The following PDLIM5 variants were observed in gnomAD, a reference collection of about 807,000 sequenced individuals.
PDLIM5 encodes PDZ and LIM domain 5, also known as PDZ and LIM domain protein 5.
PDLIM5 carries 34 observed loss-of-function variants against 64.2 expected under a neutral mutation model. The ratio of observed to expected loss-of-function variants is 0.53; its 90% CI spans 0.40 to 0.71. The LOEUF is 0.71. Among genes scored for constraint, PDLIM5 ranks in the 30% least tolerant of loss-of-function variants. The pLI, the probability that PDLIM5 is intolerant of heterozygous loss-of-function variation, is 0.00. For missense variants in PDLIM5, 683 were observed against 733.6 expected (o/e 0.93, Z 0.80); for synonymous variants, 253 against 269.1 (o/e 0.94, Z 0.59).
intron 3 of PDLIM5, among the ~76,000 whole-genome samples, chr4:94,548,281 A>T (rs1483902875): frequency 6.6e-6 from 1 of 152,180 alleles, no homozygotes; most frequent in Non-Finnish European, 1.5e-5. Flanking sequence ...CTACCACTCA[A>T]ATGGATTGCC....
At chr4:94,535,746 G>T (rs1465408298) in intron 3 of PDLIM5, among the ~76,000 whole-genome samples, 1 of 151,888 alleles carries the variant, frequency 6.6e-6, no homozygotes, top group Non-Finnish European at 1.5e-5. Flanking sequence ...CACTTGCTGT[G>T]TGGATAGCTG....
chr4:94,531,347 T>A (rs1195661509), intron 3 of PDLIM5, among the ~76,000 whole-genome samples: 1 of 152,134 alleles, frequency 6.6e-6, no homozygotes, highest in Admixed American at 6.5e-5. Context: ...TTTTTTTTCT[T>A]ACATATATCA....
rs2452600 is a variant in PDLIM5 at position 94,575,731 on chromosome 4, C to T, written c.407C>T (p.Ser136Phe). The change falls in exon 5 of 13, where the codon TCT (serine) becomes TTT (phenylalanine). Residue 136 changes from serine (S) to phenylalanine (F), a missense_variant. Coordinates refer to ENST00000317968, the MANE Select transcript of PDLIM5 (RefSeq NM_006457.5). ...NKAPRPFGSVSSPKVTSIPSP... is the reference protein window; with the variant it reads ...NKAPRPFGSVFSPKVTSIPSP... ...GCACCACGGCCTTTTGGTTCTGTGT[C>T]TTCACCAAAAGTCACATCCATCCCA... 472,112 of 1,613,468 alleles carry T rather than the reference C, an allele frequency of 0.29. 72,280 individuals are homozygous for T. The highest frequency in any genetic ancestry group is 0.42 in the East Asian group (18,745 of 44,852).
At chr4:94,620,706 G>A (rs1021940943) in intron 8 of PDLIM5, among the ~76,000 whole-genome samples, 4 of 151,836 alleles carry the variant, frequency 2.6e-5, no homozygotes, top group South Asian at 4.2e-4. Flanking sequence ...TTTAGAAAAC[G>A]TTATTTATAC....
At chr4:94,586,957 CTTTTTTTT>C in intron 7 of PDLIM5, 3 of 1,195,062 alleles carry the variant, frequency 2.5e-6, no homozygotes, top group Non-Finnish European at 2.3e-6. Context: ...TTCTATCACT[CTTTTTTTT>C]TTTTTTTTTT....
intron 9 of PDLIM5, among the ~76,000 whole-genome samples, chr4:94,650,593 T>C (rs1251873759): frequency 2.0e-5 from 3 of 152,028 alleles, no homozygotes; most frequent in Non-Finnish European, 4.4e-5. Flanking sequence ...TCTGACGTTT[T>C]CTTCATCTAC....
At chr4:94,601,714 G>A (rs957811684) in intron 7 of PDLIM5, among the ~76,000 whole-genome samples, 2 of 152,110 alleles carry the variant, frequency 1.3e-5, no homozygotes, top group African/African-American at 4.8e-5. Context: ...TTCTCAAGAT[G>A]CCATCTATGT....
rs536793877 is a variant in PDLIM5 at position 94,542,052 on chromosome 4, G to A, written c.248+18177G>A. 2.4e-4 allele frequency among the ~76,000 whole-genome samples: 37 copies of A among 152,204 alleles called. No individual in the cohort carries two copies. In the East Asian group the frequency reaches 6.0e-3, roughly 25 times the overall value. Reference sequence around the variant, plus strand: ...CCCGGCTGGGCATGGTGGCTCATGCGTGTAATCCCAGCACTTTGGAAGGCT... The same window carrying A: ...CCCGGCTGGGCATGGTGGCTCATGCATGTAATCCCAGCACTTTGGAAGGCT... On this transcript the variant is annotated intron_variant, in intron 3 of 12. Coordinates refer to ENST00000317968, the MANE Select transcript of PDLIM5 (RefSeq NM_006457.5).
At position 94,661,357 on chromosome 4, in the gene PDLIM5, C is replaced by T. The variant is rs1742698847; in HGVS notation, c.1586-1065C>T. Among the ~76,000 whole-genome samples, 7 of 152,170 alleles carry T rather than the reference C, an allele frequency of 4.6e-5. No homozygotes were observed. In the South Asian group the frequency reaches 1.4e-3, roughly 32 times the overall value. On this transcript the variant is annotated intron_variant, in intron 11 of 12. Transcript: ENST00000317968. ...GCGGTGAACTATGATCACACCACTA[C>T]ACTCAAGCCTGGGTGACAGAGCAAG...
Position 94,576,998 on chromosome 4 carries a change from C to A in PDLIM5, c.710+964C>A, listed in dbSNP as rs367680382. Among the ~76,000 whole-genome samples, 5 of 151,876 alleles carry A rather than the reference C, an allele frequency of 3.3e-5. No homozygotes were observed. The East Asian group carries it at 7.7e-4, about 23-fold the overall frequency. On this transcript the variant is annotated intron_variant, in intron 5 of 12. Coordinates refer to ENST00000317968, the MANE Select transcript of PDLIM5 (RefSeq NM_006457.5). ...TACAGTATCTTTTTTAAAAATAATT[C>A]TTTTCTATAATGTAATCCTACTTGC...
At chr4:94,504,046 T>C (rs1208580881) in intron 2 of PDLIM5, among the ~76,000 whole-genome samples, 1 of 152,180 alleles carries the variant, frequency 6.6e-6, no homozygotes, top group Non-Finnish European at 1.5e-5. Flanking sequence ...CTAGGAGACC[T>C]CCTACTCCCT....
At position 94,618,066 on chromosome 4, in the gene PDLIM5, A is replaced by G; in HGVS notation, c.983A>G (p.Glu328Gly). Residue 328 changes from glutamate (E) to glycine (G), a missense_variant, in exon 8 of 13, where the codon GAG (glutamate) becomes GGG (glycine). Coordinates refer to ENST00000317968, the MANE Select transcript of PDLIM5 (RefSeq NM_006457.5). ...GTAGCTTCCACACGGAGCATGCCCGAGAGCCTGGACAGCCCAACCTCTGGC... is the reference window on the plus strand; with the variant it reads ...GTAGCTTCCACACGGAGCATGCCCGGGAGCCTGGACAGCCCAACCTCTGGC... ...SSVASTRSMPESLDSPTSGRP... is the reference protein window; with the variant it reads ...SSVASTRSMPGSLDSPTSGRP... 6.2e-7 allele frequency: 1 copy of G among 1,611,276 alleles called. No individual in the cohort carries two copies. The highest frequency in any genetic ancestry group is 8.5e-7 in the Non-Finnish European group (1 of 1,178,774).
chr4:94,579,715 A>G lies in PDLIM5; in HGVS notation c.710+3681A>G, dbSNP rs548617024. Among the ~76,000 whole-genome samples, 3 of 152,258 alleles carry G rather than the reference A, an allele frequency of 2.0e-5. No individual in the cohort carries two copies. The East Asian group carries it at 5.8e-4, about 29-fold the overall frequency. Reference sequence around the variant, plus strand: ...TTGCTATGTTGTGGTGAATTGTTTTATAGTAATAAATAGTAGTGTTTAACA... The same window carrying G: ...TTGCTATGTTGTGGTGAATTGTTTTGTAGTAATAAATAGTAGTGTTTAACA... On this transcript the variant is annotated intron_variant, in intron 5 of 12. Coordinates refer to ENST00000317968, the MANE Select transcript of PDLIM5 (RefSeq NM_006457.5).
chr4:94,574,933 G>A (rs1735124285), intron 4 of PDLIM5, among the ~76,000 whole-genome samples: 1 of 151,314 alleles, frequency 6.6e-6, no homozygotes, highest in South Asian at 2.1e-4. Flanking sequence ...AAAACATTCA[G>A]AGAGAGAAAT....
intron 5 of PDLIM5, chr4:94,579,373 A>G: frequency 2.4e-6 from 1 of 412,894 alleles, no homozygotes; most frequent in East Asian, 3.7e-5. Context: ...TCAAGAGGTA[A>G]GTCTTTTAGT....
At chr4:94,543,376 A>T (rs1437262455) in intron 3 of PDLIM5, among the ~76,000 whole-genome samples, 1 of 152,116 alleles carries the variant, frequency 6.6e-6, no homozygotes, top group Admixed American at 6.5e-5. Flanking sequence ...ATATGTATAC[A>T]CTATGGGATG....
At chr4:94,545,533 A>T (rs1170345268) in intron 3 of PDLIM5, among the ~76,000 whole-genome samples, 1 of 152,198 alleles carries the variant, frequency 6.6e-6, no homozygotes, top group East Asian at 1.9e-4. Flanking sequence ...ACAACATCAG[A>T]TTATTGTACT....
intron 3 of PDLIM5, among the ~76,000 whole-genome samples, chr4:94,544,906 C>A (rs1732173258): frequency 6.6e-6 from 1 of 152,142 alleles, no homozygotes; most frequent in Non-Finnish European, 1.5e-5. Flanking sequence ...TCTCTTGATG[C>A]AAAGATTAGC....
At chr4:94,562,448 C>A (rs897439337) in intron 3 of PDLIM5, among the ~76,000 whole-genome samples, 1 of 152,050 alleles carries the variant, frequency 6.6e-6, no homozygotes, top group Non-Finnish European at 1.5e-5. Flanking sequence ...AACAGTTTTC[C>A]AGGTCAGTGC....
Sources: gnomAD v4.1 joint callset for allele counts (sites outside exome capture counted in the v4.1 genomes callset) on GRCh38, gnomAD v4.1.1 for gene constraint, MANE v1.5 for transcripts, NCBI Gene and HGNC (gene_info 2026-07-23, HGNC 2026-07-21) for gene names.